Variants in CSNK1A1L observed in about 807,000 individuals in gnomAD.
CSNK1A1L encodes casein kinase 1 alpha 1 like.
CSNK1A1L carries 20 observed loss-of-function variants against 24.6 expected under a neutral mutation model. That is an observed-to-expected ratio of 0.81 (90% CI 0.57 to 1.18). The LOEUF (loss-of-function observed/expected upper bound fraction) is 1.18. Ranked by LOEUF, CSNK1A1L falls within the 50% of genes most tolerant of loss-of-function variation. The probability of loss-of-function intolerance (pLI) is 0.00; values close to 1 mark genes in which losing one functional copy is unlikely to be tolerated. For missense variants in CSNK1A1L, 414 were observed against 419.0 expected (o/e 0.99, Z 0.10); for synonymous variants, 152 against 154.0 (o/e 0.99, Z 0.09).
At position 37,104,546 on chromosome 13, in the gene CSNK1A1L, A is replaced by C. The variant is rs142999830; in HGVS notation, c.711T>G (p.Ser237Arg). Reference protein sequence around the residue: ...MTKKQKYEKISEKKMSTPVEV... With the variant: ...MTKKQKYEKIREKKMSTPVEV... ...CAACAGGGGTGGACATCTTCTTCTC[A>C]CTAATCTTTTCATATTTTTGTTTTT... Residue 237 changes from serine to arginine, a missense_variant, in exon 1 of 1, where the codon AGT becomes AGG. By Grantham distance (110) the Ser-to-Arg change is moderately radical. Coordinates refer to ENST00000379800, the MANE Select transcript of CSNK1A1L (RefSeq NM_145203.6). 85 of 1,614,050 alleles carry C rather than the reference A, an allele frequency of 5.3e-5. No homozygotes were observed. The highest frequency in any genetic ancestry group is 7.2e-5 in the Non-Finnish European group (85 of 1,180,040).
In CSNK1A1L at chr13:37,105,235, T is replaced by C. The variant is rs2070770491; in HGVS notation, c.22A>G (p.Lys8Glu). ...TTCCCTCCCACAACGAGTTCGGCTT[T>C]GGAGCCGCTGTTGTTTGTCATCCTG... MTNNSGSKAELVVGGKYK... is the reference protein window; with the variant it reads MTNNSGSEAELVVGGKYK... Residue 8 changes from lysine to glutamate, a missense_variant, in exon 1 of 1, where the codon AAA (lysine) becomes GAA (glutamate). Transcript: ENST00000379800. 1.2e-6 allele frequency: 2 copies of C among 1,613,780 alleles called. No homozygotes were observed. The highest frequency in any genetic ancestry group is 1.3e-5 in the African/African-American group (1 of 74,994).
At position 37,104,258 on chromosome 13, in the gene CSNK1A1L, A is replaced by G; in HGVS notation, c.999T>C (p.Asn333=). ...TGKQTEKNKN[N]VKDN ...TCATTCACGCTTAGTTATCTTTCAC[A>G]TTATTCTTGTTTTTTTCAGTTTGCT... The change falls in exon 1 of 1, where the codon AAT becomes AAC. Residue 333 remains asparagine (N), a synonymous_variant. Transcript: ENST00000379800. 1.2e-6 allele frequency: 2 copies of G among 1,614,046 alleles called. No individual in the cohort carries two copies. Among genetic ancestry groups the G allele is most frequent in the East Asian group, 2.2e-5 (1 of 44,880 alleles).
chr13:37,104,474 G>A lies in CSNK1A1L; in HGVS notation c.783C>T (p.Asn261=). 6.2e-7 allele frequency: 1 copy of A among 1,614,236 alleles called. No individual in the cohort carries two copies. The highest frequency in any genetic ancestry group is 8.5e-7 in the Non-Finnish European group (1 of 1,180,042). Residue 261 remains asparagine (N), a synonymous_variant, in exon 1 of 1, where the codon AAC becomes AAT. Coordinates refer to ENST00000379800, the MANE Select transcript of CSNK1A1L (RefSeq NM_145203.6). ...GFPAEFAMYL[N]YCRGLRFEEV... is the part of the protein sequence containing the mutation. ...CCTCAAAGCGCAGCCCACGACAGTA[G>A]TTCAAGTACATGGCGAATTCTGCAG...
In CSNK1A1L at chr13:37,105,409, C is replaced by G. The variant is rs967478029; in HGVS notation, c.-153G>C. 3.2e-5 allele frequency: 24 copies of G among 741,842 alleles called. No homozygotes were observed. Among genetic ancestry groups the G allele is most frequent in the Middle Eastern group, 8.0e-4 (2 of 2,514 alleles). The allele number at this position is 741,842 out of a possible 1,614,324, so 46.0% of individuals were successfully genotyped here. On this transcript the variant is annotated 5_prime_UTR_variant, in exon 1 of 1. Coordinates refer to ENST00000379800, the MANE Select transcript of CSNK1A1L (RefSeq NM_145203.6). The stretch of plus-strand genomic sequence containing the variant: ...CGGTGTTACAGGGCGTGGAGTCAGC[C>G]TGATCCCTGCAGCACACCAGGATTT...
chr13:37,104,102 T>C lies in CSNK1A1L; in HGVS notation c.*141A>G. 7.4e-6 allele frequency: 8 copies of C among 1,077,162 alleles called. No homozygotes were observed. Among genetic ancestry groups the C allele is most frequent in the Non-Finnish European group, 1.1e-5 (8 of 743,574 alleles). 66.7% of individuals were successfully genotyped at this position (1,077,162 alleles called of 1,614,324 possible). On this transcript the variant is annotated 3_prime_UTR_variant, in exon 1 of 1. Coordinates refer to ENST00000379800, the MANE Select transcript of CSNK1A1L (RefSeq NM_145203.6). ...CAACGCTCCCCAGAGTCAGTTTATA[T>C]TGAAATAAAGTTTTTTACACCAACT...
At position 37,104,839 on chromosome 13, in the gene CSNK1A1L, C is replaced by A. The variant is rs746548559; in HGVS notation, c.418G>T (p.Asp140Tyr). The A allele has an allele frequency of 6.2e-7, 1 of 1,613,920 alleles. No individual in the cohort carries two copies. Among genetic ancestry groups the A allele is most frequent in the South Asian group, 1.1e-5 (1 of 91,040 alleles). The change falls in exon 1 of 1, where the codon GAT (aspartate) becomes TAT (tyrosine). Residue 140 changes from aspartate (D) to tyrosine (Y), a missense_variant. By Grantham distance (160) the Asp-to-Tyr change is radical. Transcript: ENST00000379800. ...CGCCCAGTACCCATCAGGAAGTTATCTGGTTTAATGTCTCGGTGTAGAAAA... is the reference window on the plus strand; with the variant it reads ...CGCCCAGTACCCATCAGGAAGTTATATGGTTTAATGTCTCGGTGTAGAAAA... ...KNFLHRDIKP[D>Y]NFLMGTGRHC...
rs1204220908 is a variant in CSNK1A1L, at chr13:37,105,276, G to A, written c.-20C>T. 5.0e-6 allele frequency: 8 copies of A among 1,606,122 alleles called. No homozygotes were observed. The highest frequency in any genetic ancestry group is 1.3e-5 in the African/African-American group (1 of 74,900). The stretch of plus-strand genomic sequence containing the variant: ...TGTCATCCTGAGAGGCAAAGATGGA[G>A]GCTGGGCTCAGCCCTGACCCCTCTA... On this transcript the variant is annotated 5_prime_UTR_variant, in exon 1 of 1. Coordinates refer to ENST00000379800, the MANE Select transcript of CSNK1A1L (RefSeq NM_145203.6).
In CSNK1A1L at chr13:37,104,633, G is replaced by A. The variant is rs913298243; in HGVS notation, c.624C>T (p.Gly208=). Residue 208 remains glycine, a synonymous_variant, in exon 1 of 1, where the codon GGC becomes GGT. Transcript: ENST00000379800. ...QSRRDDMESL[G]YVFMYFNRTS... is the part of the protein sequence containing the mutation. ...TTCTATTAAAATACATGAAAACGTA[G>A]CCTAAGGATTCCATGTCATCTCGGC... 6.2e-7 allele frequency: 1 copy of A among 1,614,074 alleles called. No homozygotes were observed. The highest frequency in any genetic ancestry group is 2.2e-5 in the East Asian group (1 of 44,876).
chr13:37,104,993 T>C lies in CSNK1A1L; in HGVS notation c.264A>G (p.Leu88=), dbSNP rs1436099085. Residue 88 remains leucine (L), a synonymous_variant, in exon 1 of 1, where the codon CTA becomes CTG. Transcript: ENST00000379800. ...GGCTGGGTCCCAGAAGGTCCATGAC[T>C]AGCACATTGTTGTCTTTTTCCTGAC... ...WYGQEKDNNV[L]VMDLLGPSLE... is the part of the protein sequence containing the mutation. 6 of 1,614,032 alleles carry C rather than the reference T, an allele frequency of 3.7e-6. No individual in the cohort carries two copies. The highest frequency in any genetic ancestry group is 5.1e-6 in the Non-Finnish European group (6 of 1,180,034).
Position 37,104,565 on chromosome 13 carries a change from T to C in CSNK1A1L, c.692A>G (p.Gln231Arg). 1 of 1,614,232 alleles carries C rather than the reference T, an allele frequency of 6.2e-7. No individual in the cohort carries two copies. ...WQGLRAMTKK[Q>R]KYEKISEKKM... Reference sequence around the variant, plus strand: ...CTTCTCACTAATCTTTTCATATTTTTGTTTTTTTGTCATAGCCCTTAGTCC... The same window carrying C: ...CTTCTCACTAATCTTTTCATATTTTCGTTTTTTTGTCATAGCCCTTAGTCC... Residue 231 changes from glutamine (Q) to arginine (R), a missense_variant, in exon 1 of 1, where the codon CAA becomes CGA. By Grantham distance (43) the Gln-to-Arg change is conservative. Transcript: ENST00000379800.
In CSNK1A1L at chr13:37,105,241, C is replaced by G. The variant is rs762128332; in HGVS notation, c.16G>C (p.Gly6Arg). The G allele has an allele frequency of 6.2e-7, 1 of 1,613,254 alleles. No homozygotes were observed. The highest frequency in any genetic ancestry group is 8.5e-7 in the Non-Finnish European group (1 of 1,179,574). MTNNS[G>R]SKAELVVGGK... The stretch of plus-strand genomic sequence containing the variant: ...CCCACAACGAGTTCGGCTTTGGAGC[C>G]GCTGTTGTTTGTCATCCTGAGAGGC... Residue 6 changes from glycine (G) to arginine (R), a missense_variant, in exon 1 of 1, where the codon GGC becomes CGC. Transcript: ENST00000379800.
Position 37,104,298 on chromosome 13 carries a change from T to C in CSNK1A1L, c.959A>G (p.Gln320Arg). Residue 320 changes from glutamine (Q) to arginine (R), a missense_variant, in exon 1 of 1, where the codon CAA becomes CGA. By Grantham distance (43) the Gln-to-Arg change is conservative. Coordinates refer to ENST00000379800, the MANE Select transcript of CSNK1A1L (RefSeq NM_145203.6). The stretch of plus-strand genomic sequence containing the variant: ...TTCAGTTTGCTTGCCTGTCTGGGTT[T>C]GGGCCTGCTGACCCTGCCCACTGGA... ...ASSSGQGQQA[Q>R]TQTGKQTEKN... 6.2e-7 allele frequency: 1 copy of C among 1,614,120 alleles called. No homozygotes were observed. Among genetic ancestry groups the C allele is most frequent in the East Asian group, 2.2e-5 (1 of 44,894 alleles).
Position 37,104,212 on chromosome 13 carries a change from C to T in CSNK1A1L, c.*31G>A. The stretch of plus-strand genomic sequence containing the variant: ...GAGAAACAAATGCTGCTCGAATCAT[C>T]TGCTCTGCTTCTTCTGTTCCTCATT... On this transcript the variant is annotated 3_prime_UTR_variant, in exon 1 of 1. Coordinates refer to ENST00000379800, the MANE Select transcript of CSNK1A1L (RefSeq NM_145203.6). The T allele has an allele frequency of 1.2e-6, 2 of 1,613,840 alleles. No individual in the cohort carries two copies. The highest frequency in any genetic ancestry group is 2.7e-5 in the African/African-American group (2 of 75,042).
chr13:37,105,185 C>T lies in CSNK1A1L; in HGVS notation c.72G>A (p.Gly24=). 6.2e-7 allele frequency: 1 copy of T among 1,614,160 alleles called. No individual in the cohort carries two copies. The highest frequency in any genetic ancestry group is 1.1e-5 in the South Asian group (1 of 91,084). Residue 24 remains glycine, a synonymous_variant, in exon 1 of 1, where the codon GGG becomes GGA. Coordinates refer to ENST00000379800, the MANE Select transcript of CSNK1A1L (RefSeq NM_145203.6). ...GATAAACGTCTCCAAAGGAGCCAGA[C>T]CCGATCTTCCGCACCAGTTTGTATT... ...GGKYKLVRKI[G]SGSFGDVYLG...
chr13:37,105,166 C>G lies in CSNK1A1L; in HGVS notation c.91G>C (p.Val31Leu). ...TTGGTGGTGGTGATGCCCAGATAAA[C>G]GTCTCCAAAGGAGCCAGACCCGATC... ...RKIGSGSFGD[V>L]YLGITTTNGE... The change falls in exon 1 of 1, where the codon GTT (valine) becomes CTT (leucine). Residue 31 changes from valine to leucine, a missense_variant. Coordinates refer to ENST00000379800, the MANE Select transcript of CSNK1A1L (RefSeq NM_145203.6). The G allele has an allele frequency of 1.2e-6, 2 of 1,614,112 alleles. No homozygotes were observed. The highest frequency in any genetic ancestry group is 8.5e-7 in the Non-Finnish European group (1 of 1,180,034).
Position 37,104,618 on chromosome 13 carries a change from A to G in CSNK1A1L, c.639T>C (p.Tyr213=). The change falls in exon 1 of 1, where the codon TAT becomes TAC. Residue 213 remains tyrosine, a synonymous_variant. Transcript: ENST00000379800. ...GCCACGGCAGGCTGGTTCTATTAAAATACATGAAAACGTAGCCTAAGGATT... is the reference window on the plus strand; with the variant it reads ...GCCACGGCAGGCTGGTTCTATTAAAGTACATGAAAACGTAGCCTAAGGATT... ...DMESLGYVFM[Y]FNRTSLPWQG... 2 of 1,614,122 alleles carry G rather than the reference A, an allele frequency of 1.2e-6. No individual in the cohort carries two copies. Among genetic ancestry groups the G allele is most frequent in the Non-Finnish European group, 1.7e-6 (2 of 1,180,004 alleles).
At position 37,104,227 on chromosome 13, in the gene CSNK1A1L, T is replaced by C. The variant is rs1222816534; in HGVS notation, c.*16A>G. 6.2e-7 allele frequency: 1 copy of C among 1,614,242 alleles called. No homozygotes were observed. Among genetic ancestry groups the C allele is most frequent in the Admixed American group, 1.7e-5 (1 of 60,030 alleles). On this transcript the variant is annotated 3_prime_UTR_variant, in exon 1 of 1. Coordinates refer to ENST00000379800, the MANE Select transcript of CSNK1A1L (RefSeq NM_145203.6). The stretch of plus-strand genomic sequence containing the variant: ...CTCGAATCATCTGCTCTGCTTCTTC[T>C]GTTCCTCATTCACGCTTAGTTATCT...
chr13:37,104,944 A>G lies in CSNK1A1L; in HGVS notation c.313T>C (p.Ser105Pro). 1 of 1,614,062 alleles carries G rather than the reference A, an allele frequency of 6.2e-7. No homozygotes were observed. Among genetic ancestry groups the G allele is most frequent in the Non-Finnish European group, 8.5e-7 (1 of 1,179,990 alleles). ...PSLEDLFNFC[S>P]RRFTMKTVLM... ...ACAGTTTTCATGGTGAACCTTCTTG[A>G]ACAGAAATTAAAGAGGTCTTCGAGG... The change falls in exon 1 of 1, where the codon TCA becomes CCA. Residue 105 changes from serine (S) to proline (P), a missense_variant. Transcript: ENST00000379800.
In CSNK1A1L at chr13:37,104,308, G is replaced by T. The variant is rs1258516712; in HGVS notation, c.949C>A (p.Gln317Lys). 3.1e-6 allele frequency: 5 copies of T among 1,614,006 alleles called. No homozygotes were observed. In the African/African-American group the frequency reaches 6.7e-5, roughly 22 times the overall value. ...QQAASSSGQG[Q>K]QAQTQTGKQT... ...TTGCCTGTCTGGGTTTGGGCCTGCT[G>T]ACCCTGCCCACTGGAAGAGGCTGCC... is the stretch of plus-strand genomic sequence containing the variant. Residue 317 changes from glutamine (Q) to lysine (K), a missense_variant, in exon 1 of 1, where the codon CAG becomes AAG. Coordinates refer to ENST00000379800, the MANE Select transcript of CSNK1A1L (RefSeq NM_145203.6).
Sources: gnomAD v4.1 joint callset for allele counts on GRCh38, gnomAD v4.1.1 for gene constraint, MANE v1.5 for transcripts, NCBI Gene and HGNC (gene_info 2026-07-23, HGNC 2026-07-21) for gene names.